ADPRHL1: variants seen among roughly 807,000 people sequenced by gnomAD.
ADPRHL1 encodes inactive ADP-ribosyltransferase ARH2.
In ADPRHL1, 43 loss-of-function variants were observed where a neutral mutation model predicts 44.1. The ratio of observed to expected loss-of-function variants is 0.98; its 90% confidence interval spans 0.76 to 1.26. The LOEUF (loss-of-function observed/expected upper bound fraction) is 1.26. Among genes scored for constraint, ADPRHL1 ranks in the 50% most tolerant of loss-of-function variants. The pLI, the probability that ADPRHL1 is intolerant of heterozygous loss-of-function variation, is 0.00. For missense variants in ADPRHL1, 2,022 were observed against 2,496.9 expected, an observed-to-expected ratio of 0.81 and a Z score of 4.05; for synonymous variants, 878 against 1,017.4, an observed-to-expected ratio of 0.86 and a Z score of 2.61.
At position 113,405,146 on chromosome 13, in the gene ADPRHL1, C is replaced by T; in HGVS notation, c.4136G>A (p.Arg1379Lys). Residue 1379 changes from arginine to lysine, a missense_variant, in exon 8 of 8, where the codon AGG becomes AAG. Physicochemically the swap from Arg to Lys is conservative, Grantham distance 26. Transcript: ENST00000612156. Reference sequence around the variant, plus strand: ...CTCCTGTGCCTGGTGACTCTGTTGCCTCCCCAGGTCCGCCTGTGTCAGGGG... The same window carrying T: ...CTCCTGTGCCTGGTGACTCTGTTGCTTCCCCAGGTCCGCCTGTGTCAGGGG... ...ERPLTQADLGRQQSHQAQEET... is the reference protein window; with the variant it reads ...ERPLTQADLGKQQSHQAQEET... 1 of 1,232,056 alleles carries T rather than the reference C, an allele frequency of 8.1e-7. No homozygotes were observed. Among genetic ancestry groups the T allele is most frequent in the Non-Finnish European group, 1.0e-6 (1 of 988,192 alleles). 76.3% of individuals were successfully genotyped at this position (1,232,056 alleles called of 1,614,324 possible). A position where few individuals can be genotyped will look rare whatever the true frequency, so the allele number is the denominator to read the frequency against.
At chr13:113,422,582 C>A (rs140572560) in intron 7 of ADPRHL1, 2 of 548,356 alleles carry the variant, frequency 3.6e-6, no homozygotes, top group Non-Finnish European at 6.4e-6. Flanking sequence ...GGTCCAAGTG[C>A]GGCAAATCTA....
rs776169256 is a variant in ADPRHL1 at position 113,441,242 on chromosome 13, G to T, written c.379+3183C>A. 6.6e-6 allele frequency among the ~76,000 whole-genome samples: 1 copy of T among 152,128 alleles called. No individual in the cohort carries two copies. The highest frequency in any genetic ancestry group is 2.4e-5 in the African/African-American group (1 of 41,432). On this transcript the variant is annotated intron_variant, in intron 2 of 7. Transcript: ENST00000612156. The surrounding 1 kb of genome is among the most constrained non-coding windows in gnomAD (Gnocchi z 6.0). The stretch of plus-strand genomic sequence containing the variant: ...AATGTGACAACTTCTGACTGTTATT[G>T]GGGGTCTTCACACCATTCGCATTTG...
chr13:113,451,256 TTAA>T (rs1341926578), intron 1 of ADPRHL1, among the ~76,000 whole-genome samples: 1 of 152,250 alleles, frequency 6.6e-6, no homozygotes, highest in Non-Finnish European at 1.5e-5. Context: ...AAACTAATGA[TTAA>T]TGATATTCAT....
At position 113,453,090 on chromosome 13, in the gene ADPRHL1, T is replaced by C. The variant is rs1405710962; in HGVS notation, c.214+134A>G. On this transcript the variant is annotated intron_variant, in intron 1 of 7. Transcript: ENST00000612156. The surrounding 1 kb of genome is among the most constrained non-coding windows in gnomAD (Gnocchi z 5.4). ...GACACTCAGATTAAATTGCCACTTT[T>C]AGCAGCGGTATCAGGTAACACCATC... 2.2e-6 allele frequency: 2 copies of C among 911,764 alleles called. No homozygotes were observed. Among genetic ancestry groups the C allele is most frequent in the Non-Finnish European group, 3.3e-6 (2 of 607,582 alleles). 56.5% of individuals were successfully genotyped at this position (911,764 alleles called of 1,614,324 possible). A position where few individuals can be genotyped will look rare whatever the true frequency, so the allele number is the denominator to read the frequency against.
intron 7 of ADPRHL1, among the ~76,000 whole-genome samples, chr13:113,410,998 T>A (rs868757730): frequency 6.6e-6 from 1 of 152,210 alleles, no homozygotes; most frequent in Non-Finnish European, 1.5e-5. Flanking sequence ...ATTTCAGTTG[T>A]CTTAATGACT....
chr13:113,424,452 A>G, intron 5 of ADPRHL1, 103 bp from the exon 6 acceptor site: 5 of 1,483,722 alleles, frequency 3.4e-6, no homozygotes, highest in Non-Finnish European at 4.6e-6. Context: ...CTGCCATTTC[A>G]TCCATCCACC....
Position 113,403,647 on chromosome 13 carries a change from G to A in ADPRHL1, c.5635C>T (p.Leu1879=), listed in dbSNP as rs1287067976. ...TCAGTTGGGCTCTTTCCCAGCCCCA[G>A]GGGAGAGGTGGCAATGCTCTTGCCC... ...LRGKSIATSP[L]GLGKSPTEPK... The change falls in exon 8 of 8, where the codon CTG becomes TTG. Residue 1879 remains leucine, a synonymous_variant. Coordinates refer to ENST00000612156, the MANE Select transcript of ADPRHL1 (RefSeq NM_001394807.1). The A allele has an allele frequency of 8.1e-7, 1 of 1,231,758 alleles. No homozygotes were observed. Among genetic ancestry groups the A allele is most frequent in the East Asian group, 3.2e-5 (1 of 31,670 alleles). The allele number at this position is 1,231,758 out of a possible 1,614,324, so 76.3% of individuals were successfully genotyped here.
intron 1 of ADPRHL1, among the ~76,000 whole-genome samples, chr13:113,446,832 G>T (rs964309192): frequency 1.3e-5 from 2 of 152,096 alleles, no homozygotes; most frequent in African/African-American, 4.8e-5. Flanking sequence ...TTGTCTACAT[G>T]CACGGTGTTG....
chr13:113,453,316 C>G lies in ADPRHL1; in HGVS notation c.122G>C (p.Gly41Ala). ...CGAGAGTACGAGGTGGTCCAGGCCC[C>G]CGGAACGTTGCAGCTCCTCCTGGAT... ...MKIQEELQRSGGLDHLVLSPG... is the reference protein window; with the variant it reads ...MKIQEELQRSAGLDHLVLSPG... The change falls in exon 1 of 8, where the codon GGG (glycine) becomes GCG (alanine). Residue 41 changes from glycine to alanine, a missense_variant. By Grantham distance (60) the Gly-to-Ala change is moderately conservative. Around this residue, in one of 8 missense-constraint regions of ADPRHL1, gnomAD observed 437 missense variants for 430.7 expected, o/e 1.01. Transcript: ENST00000612156. The surrounding 1 kb of genome is among the most constrained non-coding windows in gnomAD (Gnocchi z 5.4). The G allele has an allele frequency of 6.2e-7, 1 of 1,614,210 alleles. No homozygotes were observed. The highest frequency in any genetic ancestry group is 8.5e-7 in the Non-Finnish European group (1 of 1,180,032).
chr13:113,447,533 TCACGGTGTTTTGTGTG>T (rs2044150959), intron 1 of ADPRHL1, among the ~76,000 whole-genome samples: 2 of 151,222 alleles, frequency 1.3e-5, no homozygotes, highest in Non-Finnish European at 3.0e-5. Context: ...GTGTCTACAC[TCACGGTGTTTTGTGTG>T]CATGGTGTCT....
Position 113,405,163 on chromosome 13 carries a change from T to A in ADPRHL1, c.4119A>T (p.Thr1373=). 8.1e-7 allele frequency: 1 copy of A among 1,231,942 alleles called. No homozygotes were observed. Among genetic ancestry groups the A allele is most frequent in the East Asian group, 3.2e-5 (1 of 31,710 alleles). 76.3% of individuals were successfully genotyped at this position (1,231,942 alleles called of 1,614,324 possible). A position where few individuals can be genotyped will look rare whatever the true frequency, so the allele number is the denominator to read the frequency against. The stretch of plus-strand genomic sequence containing the variant: ...TCTGTTGCCTCCCCAGGTCCGCCTG[T>A]GTCAGGGGACGCTCCTGGGATTCAC... The part of the protein sequence containing the change: ...QAGESQERPL[T]QADLGRQQSH... The change falls in exon 8 of 8, where the codon ACA becomes ACT. Residue 1373 remains threonine, a synonymous_variant. Transcript: ENST00000612156.
intron 1 of ADPRHL1, among the ~76,000 whole-genome samples, chr13:113,447,850 T>C (rs954476660): frequency 2.0e-5 from 3 of 152,178 alleles, no homozygotes; most frequent in Non-Finnish European, 4.4e-5. Flanking sequence ...CTAAACCCAG[T>C]GTGTGCCCCT....
chr13:113,433,510 T>TA (rs1165960040), intron 3 of ADPRHL1, among the ~76,000 whole-genome samples: 2 of 151,966 alleles, frequency 1.3e-5, no homozygotes, highest in Non-Finnish European at 2.9e-5. Context: ...CCCCAACAAA[T>TA]AAAAAAATCG....
chr13:113,419,064 TTCAC>T (rs2043902126), intron 7 of ADPRHL1, among the ~76,000 whole-genome samples: 5 of 16,666 alleles, frequency 3.0e-4, no homozygotes, highest in East Asian at 2.9e-3. Flanking sequence ...TTCTCCTTCC[TTCAC>T]TCCCTCCTTC....
rs1300622468 is a variant in ADPRHL1 at position 113,399,815 on chromosome 13, C to G, written c.*3563G>C. The G allele has an allele frequency of 1.3e-5, 2 of 151,944 alleles. No homozygotes were observed. The highest frequency in any genetic ancestry group is 1.9e-4 in the East Asian group (1 of 5,194). 9.4% of individuals were successfully genotyped at this position (151,944 alleles called of 1,614,324 possible). A position where few individuals can be genotyped will look rare whatever the true frequency, so the allele number is the denominator to read the frequency against. ...AATACACAACCGAAAGACCGTAACT[C>G]CAACAGCAGAGATACCCTGAGAACA... On this transcript the variant is annotated 3_prime_UTR_variant, in exon 8 of 8. Transcript: ENST00000612156.
chr13:113,412,603 C>T (rs1180048279), intron 7 of ADPRHL1, among the ~76,000 whole-genome samples: 2 of 152,258 alleles, frequency 1.3e-5, no homozygotes, highest in African/African-American at 2.4e-5. Flanking sequence ...TCTCTACTTT[C>T]CCGAGTCCAG....
At position 113,409,576 on chromosome 13, in the gene ADPRHL1, C is replaced by G. The variant is rs546729219; in HGVS notation, c.1062-1356G>C. On this transcript the variant is annotated intron_variant, in intron 7 of 7. Coordinates refer to ENST00000612156, the MANE Select transcript of ADPRHL1 (RefSeq NM_001394807.1). This position sits in a 1 kb window ranked among gnomAD's most constrained non-coding sequence, Gnocchi z 4.2. Reference sequence around the variant, plus strand: ...CGTGGTGCCAAGTGAAAAGCTCACTCTAACCCGATTGTTTTTAAGAAGCTG... The same window carrying G: ...CGTGGTGCCAAGTGAAAAGCTCACTGTAACCCGATTGTTTTTAAGAAGCTG... 7 of 985,390 alleles carry G rather than the reference C, an allele frequency of 7.1e-6. No individual in the cohort carries two copies. In the South Asian group the frequency reaches 2.8e-4, roughly 40 times the overall value. The allele number at this position is 985,390 out of a possible 1,614,324, so 61.0% of individuals were successfully genotyped here.
At chr13:113,444,661 A>G in intron 1 of ADPRHL1, 72 bp from the exon 2 acceptor site, 1 of 1,535,190 alleles carries the variant, frequency 6.5e-7, no homozygotes, top group East Asian at 2.3e-5. Flanking sequence ...CCGCGGGGTC[A>G]GGCACCATAG....
intron 2 of ADPRHL1, 122 bp downstream of exon 2, chr13:113,444,303 T>C (rs2044120583): frequency 2.2e-6 from 3 of 1,349,354 alleles, no homozygotes; most frequent in East Asian, 2.3e-5. Flanking sequence ...AAAGGGACTC[T>C]AGGCAGATCC....
Sources: gnomAD v4.1 joint callset for allele counts (sites outside exome capture counted in the v4.1 genomes callset) on GRCh38, gnomAD v4.1.1 for gene constraint, gnomAD v4.1.1 regional missense constraint, Gnocchi (gnomAD v3.1) non-coding constraint, MANE v1.5 for transcripts, NCBI Gene and HGNC (gene_info 2026-07-23, HGNC 2026-07-21) for gene names.